Variants in ILRUN observed in about 807,000 individuals in gnomAD.
ILRUN encodes the protein protein ILRUN.
A neutral mutation model predicts 33.8 loss-of-function variants in ILRUN; 3 were observed. That is an observed-to-expected ratio of 0.09 (90% CI 0.04 to 0.23). The LOEUF is 0.23. Ranked by LOEUF, ILRUN falls within the 10% of genes least tolerant of loss-of-function variation. ILRUN has a pLI of 1.00. For synonymous variants in ILRUN, 124 were observed against 138.9 expected (o/e 0.89, Z 0.75); for missense variants, 210 against 375.1 (o/e 0.56, Z 3.64).
At position 34,683,407 on chromosome 6, in the gene ILRUN, C is replaced by CAT. The variant is rs200965425; in HGVS notation, c.158+13037_158+13038dup. Among the ~76,000 whole-genome samples the CAT allele has an allele frequency of 7.8e-4, 84 of 107,622 alleles. 3 individuals carry two copies. The East Asian group carries it at 0.013, about 17-fold the overall frequency. The allele number at this position is 107,622 out of a possible 152,430, so 70.6% of individuals were successfully genotyped here. ...TCTGTTATATATATGCACATATATA[C>CAT]ATATATATATACATATATATACATA... is the stretch of plus-strand genomic sequence containing the variant. On this transcript the variant is annotated intron_variant, in intron 1 of 4. Transcript: ENST00000374023.
At position 34,639,814 on chromosome 6, in the gene ILRUN, G is replaced by A. The variant is rs1002498718; in HGVS notation, c.511+6787C>T. Among the ~76,000 whole-genome samples, 8 of 152,144 alleles carry A rather than the reference G, an allele frequency of 5.3e-5. No individual in the cohort carries two copies. The South Asian group carries it at 1.0e-3, about 20-fold the overall frequency. On this transcript the variant is annotated intron_variant, in intron 3 of 4. Transcript: ENST00000374023. The stretch of plus-strand genomic sequence containing the variant: ...TTTTGTTAATTTATAACTATAATTC[G>A]TAACTAATTTACAACTTTTACTAGA...
Position 34,606,715 on chromosome 6 carries a change from T to G in ILRUN, c.701A>C (p.Glu234Ala), listed in dbSNP as rs1175327100. ...TGTGTTTTTGCTGATCGAGTCGAAC[T>G]CGGAGCCCCCAGGGTCTTTTAAGTT... ...ENNLKDPGGS[E>A]FDSISKNTWA... Residue 234 changes from glutamate (E) to alanine (A), a missense_variant, in exon 4 of 5, where the codon GAG becomes GCG. By Grantham distance (107) the Glu-to-Ala change is moderately radical. This residue lies in a region of ILRUN where 81 missense variants were observed against 97.0 expected (regional missense o/e 0.84). Coordinates refer to ENST00000374023, the MANE Select transcript of ILRUN (RefSeq NM_024294.4). 1 of 1,614,192 alleles carries G rather than the reference T, an allele frequency of 6.2e-7. No individual in the cohort carries two copies. Among genetic ancestry groups the G allele is most frequent in the Non-Finnish European group, 8.5e-7 (1 of 1,180,032 alleles).
intron 3 of ILRUN, among the ~76,000 whole-genome samples, chr6:34,642,768 C>T (rs932801701): frequency 3.6e-5 from 5 of 140,678 alleles, no homozygotes; most frequent in Non-Finnish European, 6.0e-5. Context: ...GAGGGAGGAC[C>T]ACTTGAGTCC....
chr6:34,622,335 A>G (rs1481886816), intron 3 of ILRUN, among the ~76,000 whole-genome samples: 2 of 152,206 alleles, frequency 1.3e-5, no homozygotes, highest in African/African-American at 4.8e-5. Flanking sequence ...TAAGGGGTTA[A>G]TATCTCAAAT....
intron 1 of ILRUN, among the ~76,000 whole-genome samples, chr6:34,693,021 T>C (rs909266470): frequency 6.6e-6 from 1 of 152,146 alleles, no homozygotes; most frequent in Non-Finnish European, 1.5e-5. Flanking sequence ...GAGGCTGTAG[T>C]GAGCCACAGC....
chr6:34,677,922 G>A (rs372322242), intron 1 of ILRUN, among the ~76,000 whole-genome samples: 21 of 141,390 alleles, frequency 1.5e-4, no homozygotes, highest in East Asian at 1.4e-3. Context: ...GCACTCTAGC[G>A]TGAGTGACAG....
chr6:34,630,379 C>T (rs1762219364), intron 3 of ILRUN, among the ~76,000 whole-genome samples: 2 of 152,022 alleles, frequency 1.3e-5, no homozygotes, highest in South Asian at 4.1e-4. Flanking sequence ...CTACTGTATT[C>T]TGGGCTTCTT....
intron 1 of ILRUN, among the ~76,000 whole-genome samples, chr6:34,680,588 C>T (rs930219930): frequency 6.6e-6 from 1 of 152,020 alleles, no homozygotes; most frequent in African/African-American, 2.4e-5. Flanking sequence ...CCTCAGCCTC[C>T]TGAGTAGCTG....
intron 3 of ILRUN, among the ~76,000 whole-genome samples, chr6:34,639,253 T>C (rs1445652254): frequency 1.3e-5 from 2 of 152,230 alleles, no homozygotes; most frequent in South Asian, 2.1e-4. Flanking sequence ...TTACTCGATA[T>C]GTCAAATGTC....
intron 1 of ILRUN, among the ~76,000 whole-genome samples, chr6:34,671,441 C>T (rs780866745): frequency 1.3e-5 from 2 of 152,196 alleles, no homozygotes; most frequent in Non-Finnish European, 2.9e-5. Context: ...CTAATCCCAT[C>T]AACCAGAGAT....
At position 34,630,794 on chromosome 6, in the gene ILRUN, C is replaced by T. The variant is rs557392566; in HGVS notation, c.511+15807G>A. ...CCTCCCAAATAACTGGGACTACACG[C>T]ACACATCACTGTACCTGGCTTGTTC... On this transcript the variant is annotated intron_variant, in intron 3 of 4. Transcript: ENST00000374023. Among the ~76,000 whole-genome samples the T allele has an allele frequency of 2.0e-5, 3 of 150,826 alleles. No homozygotes were observed. In the South Asian group the frequency reaches 6.2e-4, roughly 31 times the overall value.
At chr6:34,645,599 TG>T (rs1379368993) in intron 3 of ILRUN, among the ~76,000 whole-genome samples, 38 of 152,296 alleles carry the variant, frequency 2.5e-4, no homozygotes, top group African/African-American at 8.9e-4. Flanking sequence ...CTCGAGCCTC[TG>T]GGTTCATGCA....
At chr6:34,621,251 GC>G (rs1762007333) in intron 3 of ILRUN, among the ~76,000 whole-genome samples, 1 of 152,152 alleles carries the variant, frequency 6.6e-6, no homozygotes, top group Non-Finnish European at 1.5e-5. Context: ...CATTTAACCA[GC>G]CTTTTTGGTA....
intron 3 of ILRUN, chr6:34,616,410 T>C: frequency 3.9e-6 from 2 of 513,202 alleles, no homozygotes; most frequent in Non-Finnish European, 6.8e-6. Flanking sequence ...AGGCTCATAT[T>C]TCATCTCTAT....
At chr6:34,616,605 T>G in intron 3 of ILRUN, 1 of 1,572,922 alleles carries the variant, frequency 6.4e-7, no homozygotes, top group Non-Finnish European at 8.6e-7. Flanking sequence ...CGAAGGAATT[T>G]TGCAGAGCTG....
At chr6:34,623,391 A>G (rs1249235854) in intron 3 of ILRUN, among the ~76,000 whole-genome samples, 1 of 152,210 alleles carries the variant, frequency 6.6e-6, no homozygotes. Flanking sequence ...ATCTTGCAAC[A>G]ATCCCACCCC....
rs1364645565 is a variant in ILRUN at position 34,594,382 on chromosome 6, G to A, written c.862-3782C>T. ...ATCATGTCCTATCACATAGGGACTA[G>A]CAGCAAGACTGATTTATCCATGCTA... On this transcript the variant is annotated intron_variant, in intron 4 of 4. Coordinates refer to ENST00000374023, the MANE Select transcript of ILRUN (RefSeq NM_024294.4). 3.3e-5 allele frequency among the ~76,000 whole-genome samples: 5 copies of A among 152,206 alleles called. No individual in the cohort carries two copies. In the East Asian group the frequency reaches 7.7e-4, roughly 23 times the overall value.
chr6:34,692,902 T>A (rs553297575), intron 1 of ILRUN, among the ~76,000 whole-genome samples: 4 of 151,822 alleles, frequency 2.6e-5, no homozygotes, highest in South Asian at 2.1e-4. Flanking sequence ...AGGAAAAAAA[T>A]TAAATAAAAA....
rs182448441 is a variant in ILRUN at position 34,669,860 on chromosome 6, T to C, written c.159-15081A>G. Among the ~76,000 whole-genome samples the C allele has an allele frequency of 1.9e-3, 294 of 151,856 alleles. 5 individuals carry two copies. Among genetic ancestry groups the C allele is most frequent in the Non-Finnish European group, 3.7e-4 (25 of 67,964 alleles). On this transcript the variant is annotated intron_variant, in intron 1 of 4. Coordinates refer to ENST00000374023, the MANE Select transcript of ILRUN (RefSeq NM_024294.4). ...ACTGTGCTAAGTGAAACAAGCCAGA[T>C]ACATGACTACGTATTATATGATTTC... is the stretch of plus-strand genomic sequence containing the variant.
Sources: gnomAD v4.1 joint callset for allele counts (sites outside exome capture counted in the v4.1 genomes callset) on GRCh38, gnomAD v4.1.1 for gene constraint, gnomAD v4.1.1 regional missense constraint, MANE v1.5 for transcripts, NCBI Gene and HGNC (gene_info 2026-07-23, HGNC 2026-07-21) for gene names.